Variants in RIT2 observed in about 807,000 individuals in gnomAD.
RIT2 encodes Ras like without CAAX 2.
Under a neutral mutation model 23.7 loss-of-function variants are expected in RIT2, and 24 were observed. The ratio of observed to expected loss-of-function variants is 1.01; its 90% confidence interval spans 0.73 to 1.43. The LOEUF is 1.43. RIT2 is among the 40% of genes most tolerant of loss of function. The pLI is 0.00. For missense variants in RIT2, 236 were observed against 266.9 expected (o/e 0.88, Z 0.81); for synonymous variants, 107 against 91.1 (o/e 1.17, Z -0.99).
At chr18:42,950,310 C>T (rs981460159) in intron 3 of RIT2, among the ~76,000 whole-genome samples, 2 of 152,010 alleles carry the variant, frequency 1.3e-5, no homozygotes, top group African/African-American at 4.8e-5. Context: ...ACTCCTTATT[C>T]AATAAATGGT....
In RIT2 at chr18:42,866,004, C is replaced by A. The variant is rs561091053; in HGVS notation, c.426+57568G>T. On this transcript the variant is annotated intron_variant, in intron 4 of 4. Transcript: ENST00000326695. ...CCATCACCTCAAAGAGGCTTATCAG[C>A]AAATCCAGATCCTCAAGCTTGGTAA... 3.3e-5 allele frequency among the ~76,000 whole-genome samples: 5 copies of A among 152,260 alleles called. No individual in the cohort carries two copies. The South Asian group carries it at 8.3e-4, about 25-fold the overall frequency.
intron 4 of RIT2, among the ~76,000 whole-genome samples, chr18:42,747,813 G>A (rs1026128630): frequency 6.6e-6 from 1 of 152,012 alleles, no homozygotes; most frequent in African/African-American, 2.4e-5. Flanking sequence ...AACAAATGGT[G>A]TTAGGATAAT....
At chr18:42,938,226 G>A (rs1033414704) in intron 3 of RIT2, among the ~76,000 whole-genome samples, 1 of 152,118 alleles carries the variant, frequency 6.6e-6, no homozygotes, top group Non-Finnish European at 1.5e-5. Context: ...TGGCCAAGGG[G>A]ATAAAATAAT....
At chr18:43,026,610 A>T (rs1405873491) in intron 2 of RIT2, among the ~76,000 whole-genome samples, 1 of 149,860 alleles carries the variant, frequency 6.7e-6, no homozygotes, top group African/African-American at 2.4e-5. Context: ...GAAAGAAAGA[A>T]AGAAAGAAAG....
intron 4 of RIT2, among the ~76,000 whole-genome samples, chr18:42,837,326 C>G (rs962754162): frequency 4.0e-5 from 6 of 151,474 alleles, no homozygotes; most frequent in Non-Finnish European, 7.4e-5. Context: ...TGCCACCAAG[C>G]CTGGATAACT....
intron 4 of RIT2, among the ~76,000 whole-genome samples, chr18:42,756,606 A>C (rs1438235481): frequency 6.6e-6 from 1 of 152,238 alleles, no homozygotes; most frequent in Non-Finnish European, 1.5e-5. Context: ...AATATAAATC[A>C]ATAAAATTGG....
rs750549822 is a variant in RIT2, at chr18:42,743,509, C to CTCT, written c.635_637dup (p.Lys212dup). 1 of 1,612,186 alleles carries CTCT rather than the reference C, an allele frequency of 6.2e-7. No homozygotes were observed. The highest frequency in any genetic ancestry group is 8.5e-7 in the Non-Finnish European group (1 of 1,178,526). ...GCAAAGATATCATGTCATATTTTCT[C>CTCT]TCTTCTTCTTCAAAGAACCTTTGAG... On this transcript the variant is annotated inframe_insertion, in exon 5 of 5. Coordinates refer to ENST00000326695, the MANE Select transcript of RIT2 (RefSeq NM_002930.4).
intron 3 of RIT2, among the ~76,000 whole-genome samples, chr18:42,952,325 A>C (rs1909870622): frequency 6.6e-6 from 1 of 152,162 alleles, no homozygotes; most frequent in African/African-American, 2.4e-5. Context: ...GGAATCTGAA[A>C]TAGTCAAACT....
chr18:43,111,849 C>T (rs939369000), intron 1 of RIT2, among the ~76,000 whole-genome samples: 1 of 152,066 alleles, frequency 6.6e-6, no homozygotes, highest in Non-Finnish European at 1.5e-5. Context: ...TCTGCCACTG[C>T]TGTATAAATG....
At chr18:43,007,944 C>A (rs1156444122) in intron 2 of RIT2, among the ~76,000 whole-genome samples, 1 of 151,578 alleles carries the variant, frequency 6.6e-6, no homozygotes, top group African/African-American at 2.4e-5. Context: ...CACCATTTTG[C>A]AATTCTTTAT....
At chr18:42,927,280 C>G (rs1289002706) in intron 3 of RIT2, among the ~76,000 whole-genome samples, 4 of 151,510 alleles carry the variant, frequency 2.6e-5, no homozygotes, top group Admixed American at 6.6e-5. Flanking sequence ...ATGAAGCTAT[C>G]ATAATGAATG....
intron 4 of RIT2, among the ~76,000 whole-genome samples, chr18:42,877,391 T>C (rs1299150753): frequency 6.6e-6 from 1 of 151,602 alleles, no homozygotes; most frequent in East Asian, 1.9e-4. Context: ...GTTTTGCTAA[T>C]TGCTATTGTT....
chr18:42,826,936 ATAT>A (rs1906312386), intron 4 of RIT2, among the ~76,000 whole-genome samples: 1 of 152,168 alleles, frequency 6.6e-6, no homozygotes, highest in Non-Finnish European at 1.5e-5. Flanking sequence ...AAATTACCAA[ATAT>A]TATTGAAAAC....
chr18:42,907,859 T>C (rs1908663555), intron 4 of RIT2, among the ~76,000 whole-genome samples: 1 of 152,046 alleles, frequency 6.6e-6, no homozygotes, highest in South Asian at 2.1e-4. Flanking sequence ...CATGTGCCTG[T>C]AGTCCCAGCT....
intron 4 of RIT2, among the ~76,000 whole-genome samples, chr18:42,820,545 G>A (rs141722370): frequency 9.9e-5 from 15 of 152,194 alleles, no homozygotes; most frequent in African/African-American, 3.6e-4. Context: ...GAATGAAGAA[G>A]GGTGACATCA....
chr18:42,849,624 T>G (rs999556970), intron 4 of RIT2, among the ~76,000 whole-genome samples: 2 of 152,216 alleles, frequency 1.3e-5, no homozygotes, highest in African/African-American at 4.8e-5. Flanking sequence ...CCACGTTATC[T>G]TCAAGTTTGA....
chr18:43,092,421 G>C (rs564443654), intron 1 of RIT2, among the ~76,000 whole-genome samples: 2 of 152,176 alleles, frequency 1.3e-5, no homozygotes, highest in African/African-American at 4.8e-5. Context: ...TGTGAAAAAT[G>C]CTTTTATTCC....
chr18:42,884,004 T>A (rs183596884), intron 4 of RIT2, among the ~76,000 whole-genome samples: 78 of 152,330 alleles, frequency 5.1e-4, no homozygotes, highest in Non-Finnish European at 9.1e-4. Flanking sequence ...AATAAACTTC[T>A]ATGTAATAAC....
At chr18:42,795,909 T>C (rs909446737) in intron 4 of RIT2, among the ~76,000 whole-genome samples, 3 of 152,090 alleles carry the variant, frequency 2.0e-5, no homozygotes, top group African/African-American at 7.2e-5. Context: ...CTAGTTAATC[T>C]AGTGGGGACG....
Sources: allele counts gnomAD v4.1 joint callset (sites outside exome capture counted in the v4.1 genomes callset), GRCh38; gene constraint gnomAD v4.1.1; transcripts MANE v1.5; gene names NCBI Gene and HGNC (gene_info 2026-07-23, HGNC 2026-07-21).